The following KCNH8 variants were observed in gnomAD, a reference collection of about 807,000 sequenced individuals.
KCNH8 encodes voltage-gated delayed rectifier potassium channel KCNH8.
A neutral mutation model predicts 103.6 loss-of-function variants in KCNH8; 70 were observed. That is an observed-to-expected ratio of 0.68 (90% CI 0.56 to 0.82). The LOEUF is 0.82. Ranked by LOEUF, KCNH8 falls within the 40% of genes least tolerant of loss-of-function variation. The probability of loss-of-function intolerance (pLI) is 0.00; values close to 1 mark genes in which losing one functional copy is unlikely to be tolerated. For missense variants in KCNH8, 1,217 were observed against 1,329.9 expected, an observed-to-expected ratio of 0.92 and a Z score of 1.32; for synonymous variants, 498 against 489.4, an observed-to-expected ratio of 1.02 and a Z score of -0.23.
intron 5 of KCNH8, among the ~76,000 whole-genome samples, chr3:19,389,130 T>A (rs1032917139): frequency 6.6e-6 from 1 of 152,192 alleles, no homozygotes; most frequent in Non-Finnish European, 1.5e-5. Flanking sequence ...AAGTATTGTT[T>A]CAGTTTTTAT....
chr3:19,199,862 C>T (rs2063639277), intron 1 of KCNH8, among the ~76,000 whole-genome samples: 1 of 151,974 alleles, frequency 6.6e-6, no homozygotes, highest in Non-Finnish European at 1.5e-5. Flanking sequence ...GTGGTCCTTT[C>T]TATCCGTATG....
chr3:19,513,103 G>A lies in KCNH8; in HGVS notation c.2213G>A (p.Arg738His), dbSNP rs751989561. 22 of 1,613,818 alleles carry A rather than the reference G, an allele frequency of 1.4e-5. No individual in the cohort carries two copies. The Middle Eastern group carries it at 6.6e-4, about 48-fold the overall frequency. Residue 738 changes from arginine (R) to histidine (H), a missense_variant, in exon 13 of 16, where the codon CGC (arginine) becomes CAC (histidine). Arg to His is a conservative substitution (Grantham distance 29). Coordinates refer to ENST00000328405, the MANE Select transcript of KCNH8 (RefSeq NM_144633.3). ...ATCTGCACAAGGGGATCTTCTTCGC[G>A]CAACAAGAAGGTTGGAAGCAATAAA... ...SPICTRGSSS[R>H]NKKVGSNKAY...
At chr3:19,438,070 T>C (rs1397409598) in intron 7 of KCNH8, 94 bp from the exon 8 acceptor site, 6 of 967,236 alleles carry the variant, frequency 6.2e-6, no homozygotes, top group Non-Finnish European at 9.6e-6. Flanking sequence ...AGCAAATTAT[T>C]ACCTCCCCAA....
At chr3:19,328,466 C>A (rs1339549145) in intron 3 of KCNH8, among the ~76,000 whole-genome samples, 1 of 152,040 alleles carries the variant, frequency 6.6e-6, no homozygotes, top group Non-Finnish European at 1.5e-5. Flanking sequence ...TTTTAAATTT[C>A]ACACACTGTA....
At position 19,414,148 on chromosome 3, in the gene KCNH8, T is replaced by C. The variant is rs551258493; in HGVS notation, c.1177+18837T>C. ...TCCCTCTACAGCTTAGACATTGCTTTAAAACGTAACAGTCACTCTGCTAGG... is the reference window on the plus strand; with the variant it reads ...TCCCTCTACAGCTTAGACATTGCTTCAAAACGTAACAGTCACTCTGCTAGG... On this transcript the variant is annotated intron_variant, in intron 7 of 15. Coordinates refer to ENST00000328405, the MANE Select transcript of KCNH8 (RefSeq NM_144633.3). Among the ~76,000 whole-genome samples, 4 of 152,206 alleles carry C rather than the reference T, an allele frequency of 2.6e-5. No homozygotes were observed. The South Asian group carries it at 8.3e-4, about 32-fold the overall frequency.
chr3:19,389,467 C>A (rs2066404028), intron 5 of KCNH8, among the ~76,000 whole-genome samples: 1 of 151,930 alleles, frequency 6.6e-6, no homozygotes, highest in Non-Finnish European at 1.5e-5. Context: ...AGAATTTAAC[C>A]CAGAAATTCA....
rs868594539 is a variant in KCNH8, at chr3:19,360,428, A to G, written c.811+12463A>G. ...AATCTTTCTCCCTGTTTTTATAGAT[A>G]AAAGTTATCGTTAACACAATTACTC... is the stretch of plus-strand genomic sequence containing the variant. On this transcript the variant is annotated intron_variant, in intron 5 of 15. Transcript: ENST00000328405. 8.5e-5 allele frequency among the ~76,000 whole-genome samples: 13 copies of G among 152,234 alleles called. No individual in the cohort carries two copies. The Middle Eastern group carries it at 0.014, about 159-fold the overall frequency.
At position 19,502,642 on chromosome 3, in the gene KCNH8, T is replaced by A. The variant is rs1474143898; in HGVS notation, c.2041-7721T>A. ...ACGCCACATATCTACAACTATCTGA[T>A]CTTTGACAAACCTCAGAAAAACAAG... is the stretch of plus-strand genomic sequence containing the variant. On this transcript the variant is annotated intron_variant, in intron 11 of 15. Coordinates refer to ENST00000328405, the MANE Select transcript of KCNH8 (RefSeq NM_144633.3). Among the ~76,000 whole-genome samples the A allele has an allele frequency of 3.9e-5, 6 of 152,066 alleles. No homozygotes were observed. The East Asian group carries it at 1.2e-3, about 29-fold the overall frequency.
At chr3:19,523,555 G>A (rs750451061) in intron 15 of KCNH8, among the ~76,000 whole-genome samples, 1 of 151,888 alleles carries the variant, frequency 6.6e-6, no homozygotes, top group Non-Finnish European at 1.5e-5. Flanking sequence ...AGCAGAAGGG[G>A]CTGCACCATC....
chr3:19,201,081 A>G (rs570683708), intron 1 of KCNH8, among the ~76,000 whole-genome samples: 67 of 151,336 alleles, frequency 4.4e-4, no homozygotes, highest in African/African-American at 1.6e-3. Flanking sequence ...AAAATACAAA[A>G]ATTAGCTGGA....
chr3:19,153,312 C>A (rs776994512), intron 1 of KCNH8, among the ~76,000 whole-genome samples: 5 of 152,104 alleles, frequency 3.3e-5, no homozygotes, highest in Non-Finnish European at 7.4e-5. Context: ...ATAATTTTGA[C>A]ATTATTATAT....
intron 1 of KCNH8, among the ~76,000 whole-genome samples, chr3:19,228,627 A>C (rs574733687): frequency 2.8e-4 from 43 of 152,206 alleles, no homozygotes; most frequent in Non-Finnish European, 5.7e-4. Flanking sequence ...TCTGTGATTC[A>C]TTTAAAAAAT....
At chr3:19,192,383 C>A (rs1011821422) in intron 1 of KCNH8, among the ~76,000 whole-genome samples, 1 of 151,594 alleles carries the variant, frequency 6.6e-6, no homozygotes, top group African/African-American at 2.4e-5. Context: ...GGGGTTCCAA[C>A]GTGCTTTTAT....
chr3:19,495,837 A>T (rs1255867061), intron 11 of KCNH8, among the ~76,000 whole-genome samples: 1 of 151,834 alleles, frequency 6.6e-6, no homozygotes, highest in African/African-American at 2.4e-5. Context: ...ATGAGCATGG[A>T]GTGTTTTTCC....
intron 7 of KCNH8, among the ~76,000 whole-genome samples, 170 bp from the exon 8 acceptor site, chr3:19,437,994 T>C (rs2067226222): frequency 6.6e-6 from 1 of 152,190 alleles, no homozygotes; most frequent in Non-Finnish European, 1.5e-5. Context: ...AAATTATATT[T>C]TCACTTTTAA....
In KCNH8 at chr3:19,422,024, A is replaced by G. The variant is rs188947030; in HGVS notation, c.1178-16140A>G. Among the ~76,000 whole-genome samples, 31 of 152,212 alleles carry G rather than the reference A, an allele frequency of 2.0e-4. No individual in the cohort carries two copies. The South Asian group carries it at 6.2e-3, about 31-fold the overall frequency. On this transcript the variant is annotated intron_variant, in intron 7 of 15. Coordinates refer to ENST00000328405, the MANE Select transcript of KCNH8 (RefSeq NM_144633.3). ...TATGTGTTTATTTGGTCAAGATGCAAAGAACATGAGATAGTACAAATGATG... is the reference window on the plus strand; with the variant it reads ...TATGTGTTTATTTGGTCAAGATGCAGAGAACATGAGATAGTACAAATGATG...
intron 11 of KCNH8, among the ~76,000 whole-genome samples, chr3:19,464,414 A>G (rs547757761): frequency 6.6e-6 from 1 of 152,142 alleles, no homozygotes; most frequent in Non-Finnish European, 1.5e-5. Flanking sequence ...GACCTAAACG[A>G]AAGAAAAAAC....
chr3:19,464,930 CAAGAT>C (rs1365099709), intron 11 of KCNH8, among the ~76,000 whole-genome samples: 1 of 151,988 alleles, frequency 6.6e-6, no homozygotes, highest in Non-Finnish European at 1.5e-5. Flanking sequence ...TGATTAGTAT[CAAGAT>C]AAGTAATTGA....
chr3:19,491,185 C>A (rs1015350138), intron 11 of KCNH8, among the ~76,000 whole-genome samples: 22 of 151,982 alleles, frequency 1.4e-4, no homozygotes, highest in African/African-American at 5.1e-4. Flanking sequence ...ATGGAGTACA[C>A]TTGATTATGC....
Sources: allele counts gnomAD v4.1 joint callset (sites outside exome capture counted in the v4.1 genomes callset), GRCh38; gene constraint gnomAD v4.1.1; transcripts MANE v1.5; gene names NCBI Gene and HGNC (gene_info 2026-07-23, HGNC 2026-07-21).